TAFA4: variants seen among roughly 807,000 people sequenced by gnomAD.
TAFA4 encodes the protein chemokine-like protein TAFA-4.
A neutral mutation model predicts 21.1 loss-of-function variants in TAFA4; 20 were observed. The observed-to-expected ratio is 0.95, with a 90% confidence interval of 0.67 to 1.38. TAFA4 has a LOEUF of 1.38. Ranked by LOEUF, TAFA4 falls within the 40% of genes most tolerant of loss-of-function variation. TAFA4 has a pLI of 0.00. For missense variants in TAFA4, 211 were observed against 180.9 expected (o/e 1.17, Z -0.95); for synonymous variants, 71 against 67.4 (o/e 1.05, Z -0.26).
At chr3:68,809,493 ATAT>A (rs1414605185) in intron 3 of TAFA4, among the ~76,000 whole-genome samples, 1 of 150,230 alleles carries the variant, frequency 6.7e-6, no homozygotes, top group African/African-American at 2.4e-5. Flanking sequence ...GAAATCTAAA[ATAT>A]TATTAATGTC....
chr3:68,738,655 AAAGCGTTGGCTTCTAAG>A (rs1424615736), intron 5 of TAFA4, among the ~76,000 whole-genome samples: 2 of 152,214 alleles, frequency 1.3e-5, no homozygotes, highest in Non-Finnish European at 2.9e-5. Flanking sequence ...CTTGGGGAGA[AAAGCGTTGGCTTCTAAG>A]TCTTGAATAA....
At chr3:68,845,647 C>A (rs9848564) in intron 3 of TAFA4, among the ~76,000 whole-genome samples, 1 of 151,966 alleles carries the variant, frequency 6.6e-6, no homozygotes, top group Non-Finnish European at 1.5e-5. Context: ...GTTTATGCAG[C>A]GGCTGGTACC....
At chr3:68,734,499 T>C (rs1396238400) in intron 5 of TAFA4, among the ~76,000 whole-genome samples, 1 of 152,080 alleles carries the variant, frequency 6.6e-6, no homozygotes, top group Non-Finnish European at 1.5e-5. Flanking sequence ...ATGCAAGGAC[T>C]TTGGCCTTTT....
intron 3 of TAFA4, among the ~76,000 whole-genome samples, chr3:68,762,933 G>C (rs549634241): frequency 6.6e-6 from 1 of 152,234 alleles, no homozygotes; most frequent in South Asian, 2.1e-4. Flanking sequence ...AGCTACTCAG[G>C]TGGCTAAGGC....
intron 1 of TAFA4, among the ~76,000 whole-genome samples, chr3:68,916,879 C>G (rs569712993): frequency 6.6e-6 from 1 of 152,284 alleles, no homozygotes; most frequent in African/African-American, 2.4e-5. Context: ...TTTTAGAAGA[C>G]TCACTAGAAA....
chr3:68,848,788 T>C (rs2106906111), intron 3 of TAFA4, among the ~76,000 whole-genome samples: 1 of 152,286 alleles, frequency 6.6e-6, no homozygotes. Flanking sequence ...CTCTGCCATG[T>C]CCTCCAGCAT....
chr3:68,811,723 G>C (rs1309486563), intron 3 of TAFA4, among the ~76,000 whole-genome samples: 1 of 152,326 alleles, frequency 6.6e-6, no homozygotes, highest in South Asian at 2.1e-4. Flanking sequence ...GTGACGGGGA[G>C]AATGGAACCA....
At chr3:68,743,803 T>C (rs1465904241) in intron 4 of TAFA4, among the ~76,000 whole-genome samples, 1 of 152,128 alleles carries the variant, frequency 6.6e-6, no homozygotes, top group African/African-American at 2.4e-5. Context: ...AGGGTGGTAC[T>C]AGAATCTAGA....
chr3:68,911,777 T>G (rs536056913), intron 1 of TAFA4, among the ~76,000 whole-genome samples: 1 of 152,240 alleles, frequency 6.6e-6, no homozygotes, highest in South Asian at 2.1e-4. Flanking sequence ...GCCACAAACC[T>G]TCCTAGGAAG....
Position 68,743,838 on chromosome 3 carries a change from C to A in TAFA4, c.287-4639G>T, listed in dbSNP as rs569027949. On this transcript the variant is annotated intron_variant, in intron 4 of 5. Coordinates refer to ENST00000295569, the MANE Select transcript of TAFA4 (RefSeq NM_182522.5). ...ATTTTCTTCTTCTCTATCCAGTAGT[C>A]TTTCTACTGTAACACAATTTTCAAT... Among the ~76,000 whole-genome samples the A allele has an allele frequency of 1.2e-4, 18 of 152,226 alleles. 1 individual carries two copies. Among genetic ancestry groups the A allele is most frequent in the Admixed American group, 1.1e-3 (17 of 15,292 alleles).
intron 1 of TAFA4, among the ~76,000 whole-genome samples, chr3:68,918,128 C>CAT (rs1484053513): frequency 1.2e-5 from 1 of 81,334 alleles, no homozygotes; most frequent in African/African-American, 5.9e-5. Context: ...AAGCCAGACA[C>CAT]ACATACACAC....
rs1045722405 is a variant in TAFA4, at chr3:68,732,382, C to T, written c.*760G>A. 4.6e-5 allele frequency: 7 copies of T among 152,556 alleles called. No homozygotes were observed. In the East Asian group the frequency reaches 9.7e-4, roughly 21 times the overall value. The allele number at this position is 152,556 out of a possible 1,614,324, so 9.5% of individuals were successfully genotyped here. ...ATTTACCTACATGACTACACAAAAG[C>T]CGTAAAAATTCCAACAAGTTTTATA... On this transcript the variant is annotated 3_prime_UTR_variant, in exon 6 of 6. Coordinates refer to ENST00000295569, the MANE Select transcript of TAFA4 (RefSeq NM_182522.5).
chr3:68,919,360 A>T (rs1412091648), intron 1 of TAFA4, among the ~76,000 whole-genome samples: 1 of 152,192 alleles, frequency 6.6e-6, no homozygotes, highest in Non-Finnish European at 1.5e-5. Context: ...TCTTGTTTTC[A>T]TTCACTTACT....
intron 3 of TAFA4, among the ~76,000 whole-genome samples, chr3:68,813,546 A>T (rs1703889118): frequency 1.3e-5 from 2 of 152,238 alleles, no homozygotes; most frequent in African/African-American, 4.8e-5. Flanking sequence ...ACCTCTATGC[A>T]AATAAACTAG....
At chr3:68,766,482 A>T (rs2106775423) in intron 3 of TAFA4, among the ~76,000 whole-genome samples, 2 of 152,284 alleles carry the variant, frequency 1.3e-5, no homozygotes, top group South Asian at 4.1e-4. Context: ...ATGCTATGAT[A>T]AAAAAATCAA....
chr3:68,873,368 A>ACACACACACACACACACC (rs2089509893), intron 3 of TAFA4, among the ~76,000 whole-genome samples: 1 of 143,954 alleles, frequency 6.9e-6, no homozygotes, highest in South Asian at 2.6e-4. Flanking sequence ...ACACACACAC[A>ACACACACACACACACACC]CACACACACC....
intron 3 of TAFA4, among the ~76,000 whole-genome samples, chr3:68,810,118 T>C (rs765461446): frequency 6.6e-6 from 1 of 152,210 alleles, no homozygotes; most frequent in Non-Finnish European, 1.5e-5. Flanking sequence ...AAAAATGTGA[T>C]TGGAATTTGA....
At chr3:68,767,014 C>A (rs1038667524) in intron 3 of TAFA4, among the ~76,000 whole-genome samples, 1 of 152,082 alleles carries the variant, frequency 6.6e-6, no homozygotes, top group African/African-American at 2.4e-5. Flanking sequence ...TGAGACTTAG[C>A]AAATATATCA....
chr3:68,738,746 A>G (rs1329385876), intron 5 of TAFA4, among the ~76,000 whole-genome samples: 1 of 152,162 alleles, frequency 6.6e-6, no homozygotes, highest in African/African-American at 2.4e-5. Flanking sequence ...AATCATCTGG[A>G]TGTGGATTCT....
Sources: allele counts gnomAD v4.1 joint callset (sites outside exome capture counted in the v4.1 genomes callset), GRCh38; gene constraint gnomAD v4.1.1; transcripts MANE v1.5; gene names NCBI Gene and HGNC (gene_info 2026-07-23, HGNC 2026-07-21).